Variants in EXTL2 observed in about 807,000 individuals in gnomAD.
EXTL2 encodes the protein exostosin like glycosyltransferase 2, also known as exostosin-like 2.
A neutral mutation model predicts 30.7 loss-of-function variants in EXTL2; 23 were observed. The observed-to-expected ratio is 0.75, with a 90% CI of 0.54 to 1.06. EXTL2 has a LOEUF of 1.06. Among genes scored for constraint, EXTL2 ranks in the 50% least tolerant of loss-of-function variants. The probability of loss-of-function intolerance (pLI) is 0.00; values close to 1 mark genes in which losing one functional copy is unlikely to be tolerated. For synonymous variants in EXTL2, 123 were observed against 133.8 expected (o/e 0.92, Z 0.56); for missense variants, 352 against 396.3 (o/e 0.89, Z 0.95).
chr1:100,893,839 AAGG>A (rs1480745078), intron 1 of EXTL2, among the ~76,000 whole-genome samples: 1 of 152,150 alleles, frequency 6.6e-6, no homozygotes. Context: ...CACTTTTTGA[AAGG>A]AGAAGGTCCT....
chr1:100,891,356 C>T (rs183007373), intron 1 of EXTL2, among the ~76,000 whole-genome samples: 8 of 152,134 alleles, frequency 5.3e-5, no homozygotes, highest in Admixed American at 2.0e-4. Flanking sequence ...CTAGACCGAA[C>T]GAATTTATCA....
At chr1:100,884,027 C>T (rs905687487) in intron 2 of EXTL2, among the ~76,000 whole-genome samples, 5 of 152,180 alleles carry the variant, frequency 3.3e-5, no homozygotes, top group African/African-American at 1.2e-4. Context: ...AGAAGAAACA[C>T]CGTTGAAGGA....
Position 100,873,855 on chromosome 1 carries a change from T to G in EXTL2, c.*87A>C. On this transcript the variant is annotated 3_prime_UTR_variant, in exon 5 of 5. Transcript: ENST00000370114. ...TAGAGACTTCTGGAGTAGATAAAAT[T>G]CATGATGTTGCTTAAAAAAATACAT... is the stretch of plus-strand genomic sequence containing the variant. 1 of 1,351,032 alleles carries G rather than the reference T, an allele frequency of 7.4e-7. No individual in the cohort carries two copies. Among genetic ancestry groups the G allele is most frequent in the Non-Finnish European group, 1.0e-6 (1 of 992,214 alleles). 83.7% of individuals were successfully genotyped at this position (1,351,032 alleles called of 1,614,324 possible).
At chr1:100,880,443 C>T (rs762540868) in intron 2 of EXTL2, among the ~76,000 whole-genome samples, 9 of 152,136 alleles carry the variant, frequency 5.9e-5, no homozygotes, top group African/African-American at 1.2e-4. Flanking sequence ...GCTTCTATCA[C>T]GGCCTCACTC....
Position 100,873,936 on chromosome 1 carries a change from T to C in EXTL2, c.*6A>G, listed in dbSNP as rs1380255764. The C allele has an allele frequency of 5.2e-6, 8 of 1,551,224 alleles. No individual in the cohort carries two copies. Among genetic ancestry groups the C allele is most frequent in the Non-Finnish European group, 6.9e-6 (8 of 1,153,648 alleles). On this transcript the variant is annotated 3_prime_UTR_variant, in exon 5 of 5. Coordinates refer to ENST00000370114, the MANE Select transcript of EXTL2 (RefSeq NM_001033025.3). ...GTTTTCAGGTTTGTTTTTGTTTGTT[T>C]TACTTTTATATTTTTCTTTTGTAGT...
At chr1:100,878,196 G>T (rs1252119354) in intron 2 of EXTL2, among the ~76,000 whole-genome samples, 1 of 152,048 alleles carries the variant, frequency 6.6e-6, no homozygotes, top group African/African-American at 2.4e-5. Context: ...TATATCTCCA[G>T]AACTGAGATT....
chr1:100,878,188 T>C (rs1557953531), intron 2 of EXTL2, among the ~76,000 whole-genome samples: 1 of 152,148 alleles, frequency 6.6e-6, no homozygotes, highest in Non-Finnish European at 1.5e-5. Flanking sequence ...TTTATCACTA[T>C]ATCTCCAGAA....
At chr1:100,887,184 T>C (rs563515241) in intron 2 of EXTL2, among the ~76,000 whole-genome samples, 12 of 152,270 alleles carry the variant, frequency 7.9e-5, no homozygotes, top group Non-Finnish European at 1.6e-4. Flanking sequence ...TTCTGTTCTA[T>C]AGAACCCTTT....
chr1:100,891,230 T>G (rs1650401276), intron 1 of EXTL2, among the ~76,000 whole-genome samples: 1 of 152,232 alleles, frequency 6.6e-6, no homozygotes, highest in African/African-American at 2.4e-5. Context: ...TAATGGCATT[T>G]AGGTTAAGGA....
rs1396629010 is a variant in EXTL2, at chr1:100,888,740, T to C, written c.5+13A>G. 6.7e-7 allele frequency: 1 copy of C among 1,493,450 alleles called. No individual in the cohort carries two copies. The highest frequency in any genetic ancestry group is 9.2e-7 in the Non-Finnish European group (1 of 1,083,136). The allele number at this position is 1,493,450 out of a possible 1,614,324, so 92.5% of individuals were successfully genotyped here. On this transcript the variant is annotated intron_variant, in intron 2 of 4. Transcript: ENST00000370114. ...CAACAGTTAAACAAAAGCCAAAAAA[T>C]ATTGGTACTTACCTCATTGTGTTGA... is the stretch of plus-strand genomic sequence containing the variant.
In EXTL2 at chr1:100,872,531, G is replaced by A. The variant is rs10738; in HGVS notation, c.*1411C>T. On this transcript the variant is annotated 3_prime_UTR_variant, in exon 5 of 5. Coordinates refer to ENST00000370114, the MANE Select transcript of EXTL2 (RefSeq NM_001033025.3). Reference sequence around the variant, plus strand: ...TCTTTGTTTTTGTTTTTTACAATCTGACTGCATTAAGACACATATACTCTT... The same window carrying A: ...TCTTTGTTTTTGTTTTTTACAATCTAACTGCATTAAGACACATATACTCTT... 6.6e-6 allele frequency: 1 copy of A among 151,994 alleles called. No individual in the cohort carries two copies. Among genetic ancestry groups the A allele is most frequent in the Non-Finnish European group, 1.5e-5 (1 of 67,886 alleles). The allele number at this position is 151,994 out of a possible 1,614,324, so 9.4% of individuals were successfully genotyped here.
chr1:100,892,438 CCA>C (rs934852828), intron 1 of EXTL2, among the ~76,000 whole-genome samples: 2 of 152,122 alleles, frequency 1.3e-5, no homozygotes, highest in African/African-American at 4.8e-5. Context: ...AGGTCTTTGG[CCA>C]CAGACTGAAG....
At chr1:100,892,460 T>C (rs888908352) in intron 1 of EXTL2, among the ~76,000 whole-genome samples, 2 of 152,202 alleles carry the variant, frequency 1.3e-5, no homozygotes, top group Non-Finnish European at 2.9e-5. Flanking sequence ...GGCGGCAGTG[T>C]CGGCTTCCCT....
intron 4 of EXTL2, among the ~76,000 whole-genome samples, 189 bp from the exon 5 acceptor site, chr1:100,874,619 C>T (rs1216593071): frequency 6.6e-6 from 1 of 152,018 alleles, no homozygotes; most frequent in African/African-American, 2.4e-5. Flanking sequence ...GTTTACAGGT[C>T]AAATGGCATC....
intron 1 of EXTL2, among the ~76,000 whole-genome samples, chr1:100,889,820 C>A (rs1650278784): frequency 6.6e-6 from 1 of 152,228 alleles, no homozygotes; most frequent in South Asian, 2.1e-4. Context: ...GGAAGCTGTA[C>A]TCCTGTGGCT....
Position 100,873,528 on chromosome 1 carries a change from G to C in EXTL2, c.*414C>G, listed in dbSNP as rs1035368359. On this transcript the variant is annotated 3_prime_UTR_variant, in exon 5 of 5. Coordinates refer to ENST00000370114, the MANE Select transcript of EXTL2 (RefSeq NM_001033025.3). ...GCTTTACCCCATACCACAGGCTTTTGCTAAAGAGGCATTTCAGGTTTCAAA... is the reference window on the plus strand; with the variant it reads ...GCTTTACCCCATACCACAGGCTTTTCCTAAAGAGGCATTTCAGGTTTCAAA... 1 of 159,148 alleles carries C rather than the reference G, an allele frequency of 6.3e-6. No individual in the cohort carries two copies. The highest frequency in any genetic ancestry group is 1.4e-5 in the Non-Finnish European group (1 of 72,034). The allele number at this position is 159,148 out of a possible 1,614,324, so 9.9% of individuals were successfully genotyped here.
Position 100,884,848 on chromosome 1 carries a change from C to T in EXTL2, c.5+3905G>A, listed in dbSNP as rs183162364. 3.0e-4 allele frequency among the ~76,000 whole-genome samples: 46 copies of T among 152,178 alleles called. 1 individual carries two copies. The highest frequency in any genetic ancestry group is 2.9e-3 in the Admixed American group (44 of 15,282). ...CTTTTGCTGTTTTTTTCAGTCTTAA[C>T]GTATCTTGAGGGAAGTTTCTGTCCT... On this transcript the variant is annotated intron_variant, in intron 2 of 4. Transcript: ENST00000370114.
intron 1 of EXTL2, among the ~76,000 whole-genome samples, chr1:100,893,468 C>T (rs1300807499): frequency 1.3e-5 from 2 of 152,196 alleles, no homozygotes; most frequent in Non-Finnish European, 2.9e-5. Context: ...CAACCCCCCC[C>T]TTTCTTCATA....
At chr1:100,894,517 C>A (rs1650717201) in intron 1 of EXTL2, 116 bp downstream of exon 1, 1 of 152,160 alleles carries the variant, frequency 6.6e-6, no homozygotes, top group Admixed American at 6.5e-5. Flanking sequence ...AAAAATAAAA[C>A]CACCGAATAC....
Sources: allele counts gnomAD v4.1 joint callset (sites outside exome capture counted in the v4.1 genomes callset), GRCh38; gene constraint gnomAD v4.1.1; transcripts MANE v1.5; gene names NCBI Gene and HGNC (gene_info 2026-07-23, HGNC 2026-07-21).